The following MGAT4C variants were observed in gnomAD, a reference collection of about 807,000 sequenced individuals.
The protein encoded by MGAT4C is MGAT4 family member C.
Under a neutral mutation model 40.1 loss-of-function variants are expected in MGAT4C, and 19 were observed. That is an observed-to-expected ratio of 0.47 (90% CI 0.33 to 0.70). The LOEUF is 0.70. Ranked by LOEUF, MGAT4C falls within the 30% of genes least tolerant of loss-of-function variation. MGAT4C has a pLI of 0.02. For missense variants in MGAT4C, 491 were observed against 563.2 expected, an observed-to-expected ratio of 0.87 and a Z score of 1.30; for synonymous variants, 181 against 187.1, an observed-to-expected ratio of 0.97 and a Z score of 0.27.
chr12:86,706,317 A>G (rs1179654589), intron 2 of MGAT4C, among the ~76,000 whole-genome samples: 1 of 152,242 alleles, frequency 6.6e-6, no homozygotes, highest in African/African-American at 2.4e-5. Context: ...ACATAAGAAT[A>G]TCAATTCTGA....
intron 2 of MGAT4C, among the ~76,000 whole-genome samples, chr12:86,557,539 T>C (rs1307134682): frequency 6.6e-6 from 1 of 152,274 alleles, no homozygotes. Context: ...CCACCTGATG[T>C]CCCTATTCTT....
At chr12:86,315,648 G>A (rs1318162850) in intron 4 of MGAT4C, among the ~76,000 whole-genome samples, 1 of 152,184 alleles carries the variant, frequency 6.6e-6, no homozygotes, top group East Asian at 1.9e-4. Flanking sequence ...GGAGCTTGCA[G>A]TGAGCCGAGA....
At chr12:86,603,486 CTA>C (rs1165791372) in intron 2 of MGAT4C, among the ~76,000 whole-genome samples, 1 of 103,452 alleles carries the variant, frequency 9.7e-6, no homozygotes, top group African/African-American at 4.1e-5. Context: ...AGTCTATAGA[CTA>C]TATAATATAT....
chr12:86,336,805 C>G (rs1265458809), intron 3 of MGAT4C, among the ~76,000 whole-genome samples: 1 of 151,970 alleles, frequency 6.6e-6, no homozygotes, highest in Non-Finnish European at 1.5e-5. Flanking sequence ...GAGGCTAAAA[C>G]AAAATAAGAG....
chr12:86,110,302 A>C (rs372145851), intron 1 of MGAT4C, among the ~76,000 whole-genome samples: 1,734 of 82,854 alleles, frequency 0.021, 199 homozygotes, highest in Middle Eastern at 0.055. Flanking sequence ...TAGTCTCTCT[A>C]TATATATATA....
At chr12:86,787,416 T>C (rs1951949983) in intron 1 of MGAT4C, among the ~76,000 whole-genome samples, 1 of 152,114 alleles carries the variant, frequency 6.6e-6, no homozygotes, top group African/African-American at 2.4e-5. Flanking sequence ...CTATTGTGAA[T>C]AGTGCTGCAA....
chr12:86,303,114 C>T (rs1953855113), intron 4 of MGAT4C, among the ~76,000 whole-genome samples: 2 of 150,640 alleles, frequency 1.3e-5, no homozygotes, highest in Non-Finnish European at 2.9e-5. Flanking sequence ...TGTAACTCAA[C>T]ATTTTAACCT....
chr12:86,370,602 T>G (rs1282624701), intron 3 of MGAT4C, among the ~76,000 whole-genome samples: 1 of 152,016 alleles, frequency 6.6e-6, no homozygotes, highest in Non-Finnish European at 1.5e-5. Flanking sequence ...CGGAATAGAT[T>G]TACCGATTTA....
intron 2 of MGAT4C, among the ~76,000 whole-genome samples, chr12:86,025,767 T>G (rs1033789207): frequency 6.6e-6 from 1 of 151,644 alleles, no homozygotes; most frequent in Non-Finnish European, 1.5e-5. Context: ...AAATGAAGCT[T>G]TCAGGGATGT....
intron 2 of MGAT4C, among the ~76,000 whole-genome samples, chr12:86,560,421 T>C (rs1298636608): frequency 2.0e-5 from 3 of 151,040 alleles, no homozygotes; most frequent in Non-Finnish European, 4.4e-5. Flanking sequence ...CAATAACACA[T>C]CAAAAAAAAA....
At chr12:86,578,166 C>T (rs985829569) in intron 2 of MGAT4C, among the ~76,000 whole-genome samples, 10 of 151,750 alleles carry the variant, frequency 6.6e-5, no homozygotes, top group African/African-American at 2.4e-4. Flanking sequence ...AGTCTGGGTC[C>T]AAGATAGTCG....
At chr12:86,000,250 A>G (rs1164174536) in intron 2 of MGAT4C, among the ~76,000 whole-genome samples, 1 of 152,152 alleles carries the variant, frequency 6.6e-6, no homozygotes, top group Non-Finnish European at 1.5e-5. Flanking sequence ...AAATGACAAA[A>G]GTAAAGGTAA....
At position 85,974,152 on chromosome 12, in the gene MGAT4C, T is replaced by C. The variant is rs910477001; in HGVS notation, c.*5137A>G. 4.0e-5 allele frequency: 6 copies of C among 150,926 alleles called. No homozygotes were observed. The highest frequency in any genetic ancestry group is 1.2e-4 in the African/African-American group (5 of 41,332). The allele number at this position is 150,926 out of a possible 1,614,324, so 9.3% of individuals were successfully genotyped here. ...AAACTCTAAAAGAAAAATTCTGTTT[T>C]GAGAGAGATGGCCTCCTCTAGTACA... On this transcript the variant is annotated 3_prime_UTR_variant, in exon 5 of 5. Transcript: ENST00000611864.
At chr12:86,274,718 T>C (rs894927201) in intron 4 of MGAT4C, among the ~76,000 whole-genome samples, 4 of 152,194 alleles carry the variant, frequency 2.6e-5, no homozygotes, top group Admixed American at 1.3e-4. Context: ...TCTGTCCACA[T>C]TATATACCCA....
At chr12:86,520,075 T>C (rs1030772269) in intron 2 of MGAT4C, among the ~76,000 whole-genome samples, 2 of 152,174 alleles carry the variant, frequency 1.3e-5, no homozygotes, top group Admixed American at 6.5e-5. Context: ...AATTTAACAT[T>C]TATTTTAAGT....
At chr12:86,161,189 C>A (rs1311577515) in intron 1 of MGAT4C, among the ~76,000 whole-genome samples, 1 of 152,014 alleles carries the variant, frequency 6.6e-6, no homozygotes, top group Non-Finnish European at 1.5e-5. Flanking sequence ...AAAAAAGAGC[C>A]CAAATAGCCA....
chr12:86,188,770 C>G (rs962235342), intron 1 of MGAT4C, among the ~76,000 whole-genome samples: 7 of 151,474 alleles, frequency 4.6e-5, no homozygotes, highest in Non-Finnish European at 1.0e-4. Flanking sequence ...TGTGAACTTT[C>G]GATTCATCTG....
intron 1 of MGAT4C, among the ~76,000 whole-genome samples, chr12:86,158,005 T>C (rs1885164503): frequency 6.6e-6 from 1 of 152,152 alleles, no homozygotes; most frequent in Non-Finnish European, 1.5e-5. Context: ...CAGCAATGAT[T>C]GAAAGTGATT....
chr12:86,107,138 A>G (rs988974517), intron 1 of MGAT4C, among the ~76,000 whole-genome samples: 2 of 152,214 alleles, frequency 1.3e-5, no homozygotes, highest in Non-Finnish European at 2.9e-5. Context: ...GTGTATCTTG[A>G]AATTGAGAAT....
Sources: gnomAD v4.1 joint callset for allele counts (sites outside exome capture counted in the v4.1 genomes callset) on GRCh38, gnomAD v4.1.1 for gene constraint, MANE v1.5 for transcripts, NCBI Gene and HGNC (gene_info 2026-07-23, HGNC 2026-07-21) for gene names.